Variants in SNTG1 observed in about 807,000 individuals in gnomAD.
SNTG1 encodes gamma-1-syntrophin.
SNTG1 carries 39 observed loss-of-function variants against 74.7 expected under a neutral mutation model. That is an observed-to-expected ratio of 0.52 (90% CI 0.40 to 0.68). The LOEUF (loss-of-function observed/expected upper bound fraction) is 0.68. Among genes scored for constraint, SNTG1 ranks in the 30% least tolerant of loss-of-function variants. SNTG1 has a pLI of 0.00. For missense variants in SNTG1, 685 were observed against 609.5 expected (o/e 1.12, Z -1.30); for synonymous variants, 254 against 217.1 (o/e 1.17, Z -1.49).
chr8:50,116,905 C>A (rs117870240), intron 1 of SNTG1, among the ~76,000 whole-genome samples: 2 of 151,992 alleles, frequency 1.3e-5, no homozygotes, highest in African/African-American at 4.8e-5. Flanking sequence ...GCAAAGGAGT[C>A]AAAAAACATC....
intron 13 of SNTG1, among the ~76,000 whole-genome samples, chr8:50,591,607 A>C (rs2094692252): frequency 6.6e-6 from 1 of 152,310 alleles, no homozygotes; most frequent in African/African-American, 2.4e-5. Flanking sequence ...TAAAGTTCTC[A>C]ATCTATGCTA....
intron 8 of SNTG1, among the ~76,000 whole-genome samples, chr8:50,502,111 A>C (rs563868735): frequency 4.1e-4 from 63 of 152,322 alleles, no homozygotes; most frequent in African/African-American, 1.5e-3. Context: ...ATTTTAAAAA[A>C]TGTTGAGAGT....
intron 13 of SNTG1, among the ~76,000 whole-genome samples, chr8:50,603,392 G>T (rs2094789231): frequency 6.6e-6 from 1 of 152,054 alleles, no homozygotes; most frequent in Non-Finnish European, 1.5e-5. Context: ...AAATTTATTT[G>T]ATAGAATTCT....
chr8:50,213,428 T>A (rs1450591537), intron 2 of SNTG1, among the ~76,000 whole-genome samples: 1 of 152,182 alleles, frequency 6.6e-6, no homozygotes, highest in Non-Finnish European at 1.5e-5. Context: ...GTGAGGGGGA[T>A]GTTTTCTGGC....
At chr8:50,627,358 G>A (rs528619585) in intron 13 of SNTG1, among the ~76,000 whole-genome samples, 13 of 152,148 alleles carry the variant, frequency 8.5e-5, no homozygotes, top group Non-Finnish European at 1.6e-4. Context: ...TATAAACAAG[G>A]CTTGCAGGAG....
chr8:50,770,734 T>C (rs987006755), intron 18 of SNTG1, among the ~76,000 whole-genome samples: 1 of 152,040 alleles, frequency 6.6e-6, no homozygotes, highest in African/African-American at 2.4e-5. Flanking sequence ...TGGTGAATAA[T>C]GCCCTCTTGT....
At chr8:49,961,265 A>G (rs1337013343) in intron 1 of SNTG1, among the ~76,000 whole-genome samples, 1 of 152,238 alleles carries the variant, frequency 6.6e-6, no homozygotes, top group Non-Finnish European at 1.5e-5. Flanking sequence ...CAGCAATGCT[A>G]CTAACATTGA....
rs1000836107 is a variant in SNTG1 at position 50,315,719 on chromosome 8, A to T, written c.-27-78493A>T. 2.1e-4 allele frequency among the ~76,000 whole-genome samples: 29 copies of T among 138,248 alleles called. 7 individuals carry two copies. Among genetic ancestry groups the T allele is most frequent in the African/African-American group, 8.4e-4 (28 of 33,268 alleles). 90.7% of individuals were successfully genotyped at this position (138,248 alleles called of 152,430 possible). ...CTTATAGTGAATATGCCTTCCTAACAATCTTTCATTCAAAACCATTGAAAA... is the reference window on the plus strand; with the variant it reads ...CTTATAGTGAATATGCCTTCCTAACTATCTTTCATTCAAAACCATTGAAAA... On this transcript the variant is annotated intron_variant, in intron 2 of 18. Transcript: ENST00000642720.
At chr8:49,926,885 G>T (rs1366473243) in intron 1 of SNTG1, among the ~76,000 whole-genome samples, 1 of 152,040 alleles carries the variant, frequency 6.6e-6, no homozygotes, top group East Asian at 1.9e-4. Context: ...AGCACTTCAA[G>T]CCCAACAATA....
At chr8:50,474,845 A>G (rs1042138427) in intron 8 of SNTG1, among the ~76,000 whole-genome samples, 11 of 152,112 alleles carry the variant, frequency 7.2e-5, no homozygotes, top group Non-Finnish European at 1.5e-4. Flanking sequence ...CATCAATGAT[A>G]GACTGGATTA....
intron 17 of SNTG1, among the ~76,000 whole-genome samples, chr8:50,741,711 A>G (rs1000917617): frequency 6.6e-6 from 1 of 152,098 alleles, no homozygotes; most frequent in African/African-American, 2.4e-5. Context: ...AAGAAAAGCC[A>G]TGAAATGGCA....
At chr8:50,779,884 C>T (rs1242662353) in intron 18 of SNTG1, among the ~76,000 whole-genome samples, 3 of 149,222 alleles carry the variant, frequency 2.0e-5, no homozygotes, top group South Asian at 2.2e-4. Context: ...CCCATCAATA[C>T]CTAATTTATT....
intron 17 of SNTG1, among the ~76,000 whole-genome samples, chr8:50,730,799 C>T (rs946329934): frequency 6.6e-6 from 1 of 152,106 alleles, no homozygotes; most frequent in Non-Finnish European, 1.5e-5. Flanking sequence ...GAAGCATCAC[C>T]ATTAGTACTT....
At chr8:50,748,970 C>T (rs750099057) in intron 17 of SNTG1, among the ~76,000 whole-genome samples, 2 of 152,000 alleles carry the variant, frequency 1.3e-5, no homozygotes, top group African/African-American at 4.8e-5. Context: ...ATGAAAGACT[C>T]ACATGCCTCT....
At chr8:50,791,494 G>T (rs1198512516) in intron 18 of SNTG1, among the ~76,000 whole-genome samples, 1 of 151,678 alleles carries the variant, frequency 6.6e-6, no homozygotes, top group Non-Finnish European at 1.5e-5. Context: ...TACTCCTGTT[G>T]CATGACCTGA....
At chr8:50,405,497 G>A (rs898612473) in intron 4 of SNTG1, among the ~76,000 whole-genome samples, 1 of 151,940 alleles carries the variant, frequency 6.6e-6, no homozygotes, top group Non-Finnish European at 1.5e-5. Flanking sequence ...GAATTGGATT[G>A]TTTGTTTTTT....
chr8:50,351,377 A>G (rs1192449902), intron 2 of SNTG1, among the ~76,000 whole-genome samples: 1 of 152,214 alleles, frequency 6.6e-6, no homozygotes, highest in African/African-American at 2.4e-5. Context: ...TATACAGGAA[A>G]GGCGCTCAAG....
chr8:50,490,220 G>A (rs1411184068), intron 8 of SNTG1, among the ~76,000 whole-genome samples: 1 of 152,112 alleles, frequency 6.6e-6, no homozygotes, highest in Admixed American at 6.6e-5. Flanking sequence ...CTCCAGCTTT[G>A]TTCTTTTTGC....
intron 2 of SNTG1, among the ~76,000 whole-genome samples, chr8:50,250,226 C>G (rs2086587530): frequency 6.6e-6 from 1 of 151,012 alleles, no homozygotes; most frequent in South Asian, 2.1e-4. Context: ...GAAAGAATCT[C>G]TGAGCTTAAA....
Sources: gnomAD v4.1 joint callset for allele counts (sites outside exome capture counted in the v4.1 genomes callset) on GRCh38, gnomAD v4.1.1 for gene constraint, MANE v1.5 for transcripts, NCBI Gene and HGNC (gene_info 2026-07-23, HGNC 2026-07-21) for gene names.